Variants in CCSER1 observed in about 807,000 individuals in gnomAD.
CCSER1 encodes serine-rich coiled-coil domain-containing protein 1.
Under a neutral mutation model 82.0 loss-of-function variants are expected in CCSER1, and 41 were observed. The observed-to-expected ratio is 0.50, with a 90% CI of 0.39 to 0.65. CCSER1 has a LOEUF of 0.65. Ranked by LOEUF, CCSER1 falls within the 30% of genes least tolerant of loss-of-function variation. CCSER1 has a pLI of 0.00. For synonymous variants in CCSER1, 414 were observed against 383.9 expected, an observed-to-expected ratio of 1.08 and a Z score of -0.92; for missense variants, 1,119 against 1,064.2, an observed-to-expected ratio of 1.05 and a Z score of -0.72.
intron 3 of CCSER1, among the ~76,000 whole-genome samples, chr4:90,389,862 A>G (rs528092840): frequency 6.6e-6 from 1 of 152,248 alleles, no homozygotes; most frequent in East Asian, 1.9e-4. Flanking sequence ...CAGTCTTGCT[A>G]TGTTGCCCAG....
chr4:91,319,709 C>T, intron 10 of CCSER1: 1 of 455,742 alleles, frequency 2.2e-6, no homozygotes. Context: ...CCTGTGTGTC[C>T]CTCAGGTTTC....
intron 9 of CCSER1, among the ~76,000 whole-genome samples, chr4:91,076,295 G>A (rs981999332): frequency 7.3e-5 from 11 of 150,594 alleles, no homozygotes; most frequent in Non-Finnish European, 1.5e-4. Context: ...ATCTACTCTG[G>A]CAAGCTTGCC....
chr4:91,137,021 T>TTTA (rs1554071807), intron 10 of CCSER1, among the ~76,000 whole-genome samples: 1 of 151,594 alleles, frequency 6.6e-6, no homozygotes, highest in East Asian at 1.9e-4. Context: ...TCTTTTTTTT[T>TTTA]TTATTATACT....
chr4:90,584,488 C>G (rs1040346355), intron 5 of CCSER1, among the ~76,000 whole-genome samples: 1 of 152,164 alleles, frequency 6.6e-6, no homozygotes, highest in Non-Finnish European at 1.5e-5. Context: ...AGAAGCCCAT[C>G]CAGATTCTTT....
intron 10 of CCSER1, among the ~76,000 whole-genome samples, chr4:91,504,020 C>T (rs944995064): frequency 6.6e-6 from 1 of 152,050 alleles, no homozygotes; most frequent in Non-Finnish European, 1.5e-5. Flanking sequence ...TACATAAGTC[C>T]TTTTTATTTA....
intron 10 of CCSER1, among the ~76,000 whole-genome samples, chr4:91,279,569 C>T (rs1055236865): frequency 6.6e-6 from 1 of 151,956 alleles, no homozygotes; most frequent in Non-Finnish European, 1.5e-5. Flanking sequence ...TCAAGGAATT[C>T]ATCAGTTTAA....
intron 4 of CCSER1, among the ~76,000 whole-genome samples, chr4:90,404,380 C>T (rs1185399466): frequency 2.0e-5 from 3 of 152,156 alleles, no homozygotes; most frequent in African/African-American, 7.2e-5. Context: ...TCTTTCTCTA[C>T]CCTCCCTGGT....
At chr4:91,390,098 C>T (rs1445342402) in intron 10 of CCSER1, among the ~76,000 whole-genome samples, 1 of 151,914 alleles carries the variant, frequency 6.6e-6, no homozygotes, top group East Asian at 1.9e-4. Context: ...ATCCTTGCCT[C>T]GTTTCTGATC....
At chr4:90,910,177 A>T (rs954247310) in intron 8 of CCSER1, among the ~76,000 whole-genome samples, 1 of 152,212 alleles carries the variant, frequency 6.6e-6, no homozygotes, top group Admixed American at 6.5e-5. Flanking sequence ...AGAACTCACT[A>T]TCAAGGGAAC....
intron 1 of CCSER1, among the ~76,000 whole-genome samples, chr4:90,255,582 A>T (rs1212122379): frequency 6.6e-6 from 1 of 152,214 alleles, no homozygotes; most frequent in Non-Finnish European, 1.5e-5. Flanking sequence ...AATATTTTGC[A>T]AACATAGGAT....
At chr4:91,212,099 C>T (rs149528370) in intron 10 of CCSER1, among the ~76,000 whole-genome samples, 86 of 152,050 alleles carry the variant, frequency 5.7e-4, no homozygotes, top group African/African-American at 2.0e-3. Flanking sequence ...AAATTATGAC[C>T]GTGTTTCTAA....
chr4:90,595,792 A>C (rs1263169147), intron 5 of CCSER1, among the ~76,000 whole-genome samples: 1 of 151,950 alleles, frequency 6.6e-6, no homozygotes, highest in Non-Finnish European at 1.5e-5. Flanking sequence ...ATTTTCACAA[A>C]AAATAAAATA....
chr4:91,161,388 T>G (rs1731381636), intron 10 of CCSER1, among the ~76,000 whole-genome samples: 1 of 152,182 alleles, frequency 6.6e-6, no homozygotes, highest in African/African-American at 2.4e-5. Context: ...CAATGTGGGC[T>G]CTTTTTTGGT....
At chr4:91,071,184 G>T (rs1475842681) in intron 9 of CCSER1, among the ~76,000 whole-genome samples, 1 of 152,160 alleles carries the variant, frequency 6.6e-6, no homozygotes, top group Non-Finnish European at 1.5e-5. Context: ...AGCACTGTTT[G>T]AGCAACTGGT....
At chr4:91,592,189 T>C (rs1206606689) in intron 10 of CCSER1, among the ~76,000 whole-genome samples, 1 of 152,048 alleles carries the variant, frequency 6.6e-6, no homozygotes, top group Admixed American at 6.6e-5. Flanking sequence ...ACAATCACGG[T>C]GGAAGGGGAA....
At chr4:91,030,882 A>G (rs556659260) in intron 9 of CCSER1, among the ~76,000 whole-genome samples, 2 of 152,220 alleles carry the variant, frequency 1.3e-5, no homozygotes, top group Admixed American at 6.6e-5. Flanking sequence ...ATGATCACAC[A>G]TTACTCTGTT....
intron 9 of CCSER1, among the ~76,000 whole-genome samples, chr4:91,071,667 C>G (rs1181371503): frequency 1.3e-5 from 2 of 151,968 alleles, no homozygotes; most frequent in Non-Finnish European, 1.5e-5. Flanking sequence ...TTTTTATGAT[C>G]TACGGTACAA....
intron 5 of CCSER1, among the ~76,000 whole-genome samples, chr4:90,549,075 G>A (rs1341606728): frequency 6.6e-6 from 1 of 152,042 alleles, no homozygotes; most frequent in Non-Finnish European, 1.5e-5. Context: ...CATTTATTTT[G>A]CAGTATATAA....
At chr4:90,206,312 C>A (rs1478723924) in intron 1 of CCSER1, among the ~76,000 whole-genome samples, 1 of 152,122 alleles carries the variant, frequency 6.6e-6, no homozygotes, top group South Asian at 2.1e-4. Flanking sequence ...TTAGATCTTT[C>A]CCGCTGTCTC....
Sources: gnomAD v4.1 joint callset for allele counts (sites outside exome capture counted in the v4.1 genomes callset) on GRCh38, gnomAD v4.1.1 for gene constraint, MANE v1.5 for transcripts, NCBI Gene and HGNC (gene_info 2026-07-23, HGNC 2026-07-21) for gene names.